FBXL7: variants seen among roughly 807,000 people sequenced by gnomAD.
FBXL7 encodes F-box/LRR-repeat protein 7.
Under a neutral mutation model 38.3 loss-of-function variants are expected in FBXL7, and 12 were observed. The observed-to-expected ratio is 0.31, with a 90% confidence interval of 0.20 to 0.51. The LOEUF (loss-of-function observed/expected upper bound fraction) is 0.51, where lower values mean the gene tolerates loss of function less well. FBXL7 is among the 20% of genes least tolerant of loss of function. FBXL7 has a pLI of 0.98. For missense variants in FBXL7, 567 were observed against 676.4 expected, an observed-to-expected ratio of 0.84 and a Z score of 1.79; for synonymous variants, 297 against 300.9, an observed-to-expected ratio of 0.99 and a Z score of 0.13.
rs185069587 is a variant in FBXL7, at chr5:15,936,697, G to A, written c.987G>A (p.Leu329=). The part of the protein sequence containing the change: ...LVIYCASIKE[L]SVSDCRFVSD... Reference sequence around the variant, plus strand: ...TCTACTGCGCCTCCATCAAGGAGCTGAGCGTCAGCGACTGCCGCTTCGTCA... The same window carrying A: ...TCTACTGCGCCTCCATCAAGGAGCTAAGCGTCAGCGACTGCCGCTTCGTCA... The change falls in exon 4 of 4, where the codon CTG becomes CTA. Residue 329 remains leucine, a synonymous_variant. Coordinates refer to ENST00000504595, the MANE Select transcript of FBXL7 (RefSeq NM_012304.5). The surrounding 1 kb of genome is among the most constrained non-coding windows in gnomAD (Gnocchi z 6.0). 37 of 1,608,178 alleles carry A rather than the reference G, an allele frequency of 2.3e-5. 1 individual carries two copies. In the East Asian group the frequency reaches 4.0e-4, roughly 17 times the overall value.
chr5:15,697,262 T>G (rs994989101), intron 2 of FBXL7, among the ~76,000 whole-genome samples: 5 of 152,040 alleles, frequency 3.3e-5, no homozygotes, highest in Admixed American at 1.3e-4. Flanking sequence ...AAGAAAGTAT[T>G]CCAGGAATAA....
At chr5:15,686,585 T>C (rs371023430) in intron 2 of FBXL7, among the ~76,000 whole-genome samples, 26 of 152,344 alleles carry the variant, frequency 1.7e-4, no homozygotes, top group Middle Eastern at 3.4e-3. Context: ...GAACAAAATA[T>C]AGTGGCCCTC....
chr5:15,527,758 G>A (rs115618390), intron 1 of FBXL7, among the ~76,000 whole-genome samples: 41 of 152,234 alleles, frequency 2.7e-4, no homozygotes, highest in African/African-American at 9.9e-4. Flanking sequence ...TCATAGGATC[G>A]TAAAGTCGCA....
At chr5:15,532,201 T>C (rs1737451946) in intron 1 of FBXL7, among the ~76,000 whole-genome samples, 2 of 152,234 alleles carry the variant, frequency 1.3e-5, no homozygotes, top group Admixed American at 6.5e-5. Context: ...TTGCAGTGGC[T>C]ATTTCTCATA....
intron 2 of FBXL7, among the ~76,000 whole-genome samples, chr5:15,783,486 C>G (rs1737052896): frequency 6.6e-6 from 1 of 152,092 alleles, no homozygotes; most frequent in South Asian, 2.1e-4. Flanking sequence ...AGATAACCAA[C>G]ATGACAGCAA....
At position 15,808,375 on chromosome 5, in the gene FBXL7, T is replaced by C. The variant is rs146147811; in HGVS notation, c.128-119515T>C. On this transcript the variant is annotated intron_variant, in intron 2 of 3. Transcript: ENST00000504595. ...CATATATAAAACCATATATTTCCAG[T>C]TGTAAATCCTTCCATATCTAGCCAT... Among the ~76,000 whole-genome samples the C allele has an allele frequency of 6.0e-3, 914 of 152,256 alleles. 4 individuals carry two copies. Among genetic ancestry groups the C allele is most frequent in the Middle Eastern group, 0.014 (4 of 294 alleles).
intron 2 of FBXL7, among the ~76,000 whole-genome samples, chr5:15,754,390 C>T (rs1032122901): frequency 2.6e-5 from 4 of 152,214 alleles, no homozygotes; most frequent in Admixed American, 6.5e-5. Flanking sequence ...GGTCAAACCC[C>T]CCAACCAAGA....
intron 2 of FBXL7, among the ~76,000 whole-genome samples, chr5:15,667,611 T>C (rs1364179294): frequency 6.6e-6 from 1 of 152,152 alleles, no homozygotes; most frequent in African/African-American, 2.4e-5. Flanking sequence ...GCATTATCTG[T>C]TTTTGGCAGG....
At chr5:15,827,110 C>CCTTA (rs1263080237) in intron 2 of FBXL7, among the ~76,000 whole-genome samples, 2 of 152,078 alleles carry the variant, frequency 1.3e-5, no homozygotes, top group Non-Finnish European at 2.9e-5. Flanking sequence ...ACAAAGACAT[C>CCTTA]CTTATAGCCC....
intron 2 of FBXL7, among the ~76,000 whole-genome samples, chr5:15,685,423 C>CAACA (rs1742986772): frequency 6.6e-6 from 1 of 152,148 alleles, no homozygotes; most frequent in Non-Finnish European, 1.5e-5. Flanking sequence ...AAACCATAGG[C>CAACA]AACACCTCAA....
At chr5:15,845,230 G>C (rs1738861626) in intron 2 of FBXL7, among the ~76,000 whole-genome samples, 1 of 152,180 alleles carries the variant, frequency 6.6e-6, no homozygotes, top group African/African-American at 2.4e-5. Context: ...CCTTATGCTG[G>C]TAATGGTTAT....
rs552741508 is a variant in FBXL7, at chr5:15,811,638, T to C, written c.128-116252T>C. On this transcript the variant is annotated intron_variant, in intron 2 of 3. Transcript: ENST00000504595. ...AACAGTGTTCCATGCTTAAACAAAT[T>C]TACGAGAAAAAAAATGACCCCATCG... 1.2e-4 allele frequency among the ~76,000 whole-genome samples: 18 copies of C among 151,776 alleles called. No homozygotes were observed. In the South Asian group the frequency reaches 3.5e-3, roughly 30 times the overall value.
chr5:15,538,717 C>G (rs986929706), intron 1 of FBXL7, among the ~76,000 whole-genome samples: 1 of 152,168 alleles, frequency 6.6e-6, no homozygotes, highest in Non-Finnish European at 1.5e-5. Flanking sequence ...TGCATCTGTT[C>G]TGATTTTGAA....
chr5:15,837,326 G>A (rs1461342611), intron 2 of FBXL7, among the ~76,000 whole-genome samples: 2 of 152,226 alleles, frequency 1.3e-5, no homozygotes, highest in Non-Finnish European at 2.9e-5. Flanking sequence ...AATTAAACAT[G>A]ACACTTGTTC....
intron 2 of FBXL7, among the ~76,000 whole-genome samples, chr5:15,755,776 G>A (rs904848586): frequency 1.3e-5 from 2 of 152,170 alleles, no homozygotes; most frequent in African/African-American, 4.8e-5. Context: ...TTAGGCAATA[G>A]GAACTAACCA....
chr5:15,660,119 A>G (rs1401385723), intron 2 of FBXL7, among the ~76,000 whole-genome samples: 5 of 152,152 alleles, frequency 3.3e-5, no homozygotes, highest in African/African-American at 4.8e-5. Flanking sequence ...AGTGAGCCAC[A>G]TTTCCATCAG....
chr5:15,702,730 A>T (rs540207984), intron 2 of FBXL7, among the ~76,000 whole-genome samples: 5 of 152,160 alleles, frequency 3.3e-5, no homozygotes, highest in Non-Finnish European at 7.3e-5. Flanking sequence ...TTGAGAAAAT[A>T]CTTTCTTTCA....
intron 2 of FBXL7, among the ~76,000 whole-genome samples, chr5:15,806,510 G>A (rs1737716735): frequency 6.6e-6 from 1 of 152,142 alleles, no homozygotes; most frequent in Admixed American, 6.5e-5. Context: ...GTATGGGAAG[G>A]CATTTAAAGA....
chr5:15,921,092 T>G (rs1477733666), intron 2 of FBXL7, among the ~76,000 whole-genome samples: 1 of 152,134 alleles, frequency 6.6e-6, no homozygotes, highest in Non-Finnish European at 1.5e-5. Flanking sequence ...AGTCTTATAT[T>G]TGAAATTAGC....
Sources: allele counts gnomAD v4.1 joint callset (sites outside exome capture counted in the v4.1 genomes callset), GRCh38; gene constraint gnomAD v4.1.1; non-coding constraint Gnocchi (gnomAD v3.1); transcripts MANE v1.5; gene names NCBI Gene and HGNC (gene_info 2026-07-23, HGNC 2026-07-21).